Variants in C20orf173 observed in about 807,000 individuals in gnomAD.
C20orf173 encodes the protein uncharacterized protein C20orf173.
Under a neutral mutation model 26.7 loss-of-function variants are expected in C20orf173, and 22 were observed. The observed-to-expected ratio is 0.82, with a 90% CI of 0.59 to 1.18. C20orf173 has a LOEUF of 1.18. Ranked by LOEUF, C20orf173 falls within the 50% of genes most tolerant of loss-of-function variation. The pLI is 0.00. For missense variants in C20orf173, 210 were observed against 250.3 expected (o/e 0.84, Z 1.09); for synonymous variants, 85 against 96.4 (o/e 0.88, Z 0.69).
At chr20:35,528,331 A>G in intron 4 of C20orf173, 47 bp from the exon 5 acceptor site, 2 of 1,551,370 alleles carry the variant, frequency 1.3e-6, no homozygotes, top group Non-Finnish European at 1.7e-6. Context: ...AAGACCTGGG[A>G]AAGTCCTGCA....
chr20:35,522,019 C>T (rs928924481), downstream of C20orf173: 1 of 152,614 alleles, frequency 6.6e-6, no homozygotes, highest in East Asian at 1.9e-4. Context: ...ACTCCAAGGA[C>T]GGATACTGAC....
chr20:35,528,499 CA>C lies in C20orf173; in HGVS notation c.533del (p.Leu178ArgfsTer14), dbSNP rs2064522068. 1 of 1,551,726 alleles carries C rather than the reference CA, an allele frequency of 6.4e-7. No individual in the cohort carries two copies. Among genetic ancestry groups the C allele is most frequent in the East Asian group, 2.4e-5 (1 of 40,914 alleles). ...QGSWMQLEML[L>X]RKLSDLVWTS... Reference sequence around the variant, plus strand: ...TCCACACCAGGTCAGAGAGCTTCCGCAGTAGCATCTCCAGCTGCATCCAGGA... The same window carrying C: ...TCCACACCAGGTCAGAGAGCTTCCGCGTAGCATCTCCAGCTGCATCCAGGA... On this transcript the variant is annotated frameshift_variant, in exon 4 of 6. Coordinates refer to ENST00000444723, the MANE Select transcript of C20orf173 (RefSeq NM_001145350.2). LOFTEE classifies it high-confidence loss of function.
downstream of C20orf173, among the ~76,000 whole-genome samples, chr20:35,525,277 C>T (rs1022801002): frequency 2.6e-5 from 4 of 151,856 alleles, no homozygotes; most frequent in Admixed American, 6.6e-5. Flanking sequence ...ATTGGCCGGG[C>T]GTGATGACCC....
At chr20:35,524,529 A>G (rs2064492399), downstream of C20orf173, among the ~76,000 whole-genome samples, 1 of 152,166 alleles carries the variant, frequency 6.6e-6, no homozygotes, top group Non-Finnish European at 1.5e-5. Flanking sequence ...CCTCACTTGC[A>G]TTTGCCGCAT....
chr20:35,524,035 TTTTG>T (rs772381528), downstream of C20orf173, among the ~76,000 whole-genome samples: 1 of 152,018 alleles, frequency 6.6e-6, no homozygotes, highest in African/African-American at 2.4e-5. Flanking sequence ...TTTTTGTGGT[TTTTG>T]TTTGTTTGTT....
rs1453981306 is a variant in C20orf173, at chr20:35,528,483, G to C, written c.550C>G (p.Leu184Val). ...LEMLLRKLSD[L>V]VWTSDALSDK... is the part of the protein sequence containing the mutation. Reference sequence around the variant, plus strand: ...CTTAGAGCATCTGAAGTCCACACCAGGTCAGAGAGCTTCCGCAGTAGCATC... The same window carrying C: ...CTTAGAGCATCTGAAGTCCACACCACGTCAGAGAGCTTCCGCAGTAGCATC... Residue 184 changes from leucine (L) to valine (V), a missense_variant, in exon 4 of 6, where the codon CTG becomes GTG. Leu to Val is a conservative substitution (Grantham distance 32). Transcript: ENST00000444723. 4.5e-6 allele frequency: 7 copies of C among 1,551,720 alleles called. No individual in the cohort carries two copies. The highest frequency in any genetic ancestry group is 1.7e-4 in the Middle Eastern group (1 of 5,990).
Position 35,529,607 on chromosome 20 carries a change from A to G in C20orf173, c.-100T>C. The stretch of plus-strand genomic sequence containing the variant: ...CATGGGGTGGAAGAGGCCAGGGCAG[A>G]GAGACAGCATGTGGCTAGTCCTGAG... On this transcript the variant is annotated 5_prime_UTR_variant, in exon 1 of 6. Transcript: ENST00000444723. 1 of 554,702 alleles carries G rather than the reference A, an allele frequency of 1.8e-6. No individual in the cohort carries two copies. Among genetic ancestry groups the G allele is most frequent in the South Asian group, 2.3e-5 (1 of 43,800 alleles). The allele number at this position is 554,702 out of a possible 1,614,324, so 34.4% of individuals were successfully genotyped here.
At chr20:35,525,420 C>T (rs533070442), downstream of C20orf173, among the ~76,000 whole-genome samples, 41 of 152,150 alleles carry the variant, frequency 2.7e-4, no homozygotes, top group Non-Finnish European at 5.4e-4. Context: ...GGCGTAGTGG[C>T]GGGCACCTGT....
chr20:35,524,699 AT>A (rs11483123), downstream of C20orf173, among the ~76,000 whole-genome samples: 1,089 of 142,218 alleles, frequency 7.7e-3, 7 homozygotes, highest in African/African-American at 0.017. Context: ...GTTCATGATA[AT>A]TTTTTTTTTT....
At chr20:35,521,835 T>G (rs2064477382), downstream of C20orf173, 1 of 152,378 alleles carries the variant, frequency 6.6e-6, no homozygotes, top group Non-Finnish European at 1.5e-5. Context: ...CTCGAACTCC[T>G]GACCTCAGGT....
At chr20:35,528,423 A>C in intron 4 of C20orf173, 28 bp downstream of exon 4, 4 of 1,550,638 alleles carry the variant, frequency 2.6e-6, no homozygotes, top group Non-Finnish European at 3.5e-6. Flanking sequence ...ACCCCCACAC[A>C]GAGAATGTCT....
chr20:35,525,998 G>A (rs911002369), downstream of C20orf173, among the ~76,000 whole-genome samples: 1 of 152,202 alleles, frequency 6.6e-6, no homozygotes, highest in Non-Finnish European at 1.5e-5. Flanking sequence ...GTTAACTGTA[G>A]CAGTTGGATT....
chr20:35,529,155 C>T lies in C20orf173; in HGVS notation c.219G>A (p.Trp73Ter). 6.4e-7 allele frequency: 1 copy of T among 1,551,718 alleles called. No homozygotes were observed. Among genetic ancestry groups the T allele is most frequent in the Non-Finnish European group, 8.7e-7 (1 of 1,147,008 alleles). Reference sequence around the variant, plus strand: ...TCCTGGAGCACGCATCAAGCCAGTTCCATTCGTCGGCTGTGTGGTGGCAGG... The same window carrying T: ...TCCTGGAGCACGCATCAAGCCAGTTTCATTCGTCGGCTGTGTGGTGGCAGG... ...CSSCHHTADE[W>*]NWLDACSRKT... Residue 73 changes from tryptophan (W) to a stop codon, truncating the protein, a stop_gained, in exon 2 of 6, where the codon TGG becomes TGA. Coordinates refer to ENST00000444723, the MANE Select transcript of C20orf173 (RefSeq NM_001145350.2). LOFTEE classifies it high-confidence loss of function.
rs1248474294 is a variant in C20orf173 at position 35,528,715 on chromosome 20, G to T, written c.474C>A (p.Tyr158Ter). 6.5e-7 allele frequency: 1 copy of T among 1,535,522 alleles called. No homozygotes were observed. The highest frequency in any genetic ancestry group is 2.5e-5 in the East Asian group (1 of 40,756). The change falls in exon 3 of 6, where the codon TAC becomes TAA. Residue 158 changes from tyrosine to a stop codon, truncating the protein, a stop_gained. Transcript: ENST00000444723. LOFTEE classifies it high-confidence loss of function. ...CCAGCACCCACCTGAAAACCACGGG[G>T]TATTGGTCGATGTCGTTGCCAAGGC... is the stretch of plus-strand genomic sequence containing the variant. ...GSSLGNDIDQ[Y>*]PVVFRNASDQ...
At chr20:35,529,462 G>T in intron 1 of C20orf173, 38 bp from the exon 2 acceptor site, 1 of 1,267,602 alleles carries the variant, frequency 7.9e-7, no homozygotes, top group Non-Finnish European at 1.1e-6. Context: ...GACAGCACCA[G>T]CTTCCCTCTG....
At chr20:35,529,029 T>C (rs1325395304) in intron 2 of C20orf173, 36 bp downstream of exon 2, 3 of 1,540,892 alleles carry the variant, frequency 1.9e-6, no homozygotes, top group Admixed American at 2.0e-5. Flanking sequence ...CCGGAAAGCA[T>C]GGGGGATATG....
Position 35,529,598 on chromosome 20 carries a change from C to T in C20orf173, c.-91G>A, listed in dbSNP as rs990717175. ...CTGACTGGGCATGGGGTGGAAGAGG[C>T]CAGGGCAGAGAGACAGCATGTGGCT... On this transcript the variant is annotated 5_prime_UTR_variant, in exon 1 of 6. Coordinates refer to ENST00000444723, the MANE Select transcript of C20orf173 (RefSeq NM_001145350.2). The T allele has an allele frequency of 5.3e-6, 3 of 566,012 alleles. No individual in the cohort carries two copies. Among genetic ancestry groups the T allele is most frequent in the Non-Finnish European group, 9.5e-6 (3 of 317,308 alleles). The allele number at this position is 566,012 out of a possible 1,614,324, so 35.1% of individuals were successfully genotyped here.
At chr20:35,529,460 C>T in intron 1 of C20orf173, 36 bp from the exon 2 acceptor site, 1 of 1,281,278 alleles carries the variant, frequency 7.8e-7, no homozygotes. Context: ...CAGACAGCAC[C>T]AGCTTCCCTC....
rs1255061067 is a variant in C20orf173 at position 35,528,696 on chromosome 20, C to T, written c.488+5G>A. 3.9e-6 allele frequency: 6 copies of T among 1,528,902 alleles called. No homozygotes were observed. In the East Asian group the frequency reaches 1.5e-4, roughly 38 times the overall value. 94.7% of individuals were successfully genotyped at this position (1,528,902 alleles called of 1,614,324 possible). A position where few individuals can be genotyped will look rare whatever the true frequency, so the allele number is the denominator to read the frequency against. ...TCCTGCTCCCGCCCTCTCCCCAGCA[C>T]CCACCTGAAAACCACGGGGTATTGG... On this transcript the variant is annotated splice_donor_5th_base_variant and intron_variant, in intron 3 of 5. Coordinates refer to ENST00000444723, the MANE Select transcript of C20orf173 (RefSeq NM_001145350.2).
Sources: allele counts gnomAD v4.1 joint callset (sites outside exome capture counted in the v4.1 genomes callset), GRCh38; gene constraint gnomAD v4.1.1; transcripts MANE v1.5; gene names NCBI Gene and HGNC (gene_info 2026-07-23, HGNC 2026-07-21).